ST18: variants seen among roughly 807,000 people sequenced by gnomAD.
The protein encoded by ST18 is suppression of tumorigenicity 18 protein.
Under a neutral mutation model 110.0 loss-of-function variants are expected in ST18, and 50 were observed. That is an observed-to-expected ratio of 0.45 (90% CI 0.36 to 0.58). The LOEUF (loss-of-function observed/expected upper bound fraction) is 0.58. Ranked by LOEUF, ST18 falls within the 20% of genes least tolerant of loss-of-function variation. ST18 has a pLI of 0.00. For synonymous variants in ST18, 461 were observed against 452.4 expected, an observed-to-expected ratio of 1.02 and a Z score of -0.24; for missense variants, 1,306 against 1,280.1, an observed-to-expected ratio of 1.02 and a Z score of -0.31.
intron 22 of ST18, among the ~76,000 whole-genome samples, chr8:52,128,161 G>A (rs534840440): frequency 1.3e-5 from 2 of 152,244 alleles, no homozygotes; most frequent in South Asian, 2.1e-4. Flanking sequence ...TAGAGACGGG[G>A]TTTCACCATA....
chr8:52,126,287 A>T (rs1586401038), intron 22 of ST18, 147 bp from the exon 23 acceptor site: 2 of 732,940 alleles, frequency 2.7e-6, no homozygotes, highest in East Asian at 5.6e-5. Context: ...AGTAATGAAT[A>T]CATACCCATT....
At chr8:52,409,522 C>T (rs1845689246) in intron 1 of ST18, 26 bp downstream of exon 1, 1 of 113,300 alleles carries the variant, frequency 8.8e-6, no homozygotes, top group Non-Finnish European at 2.0e-5. Context: ...CAAAGCTACA[C>T]AAATGCCAAG....
At chr8:52,268,389 C>T (rs531974834) in intron 2 of ST18, among the ~76,000 whole-genome samples, 2 of 152,308 alleles carry the variant, frequency 1.3e-5, no homozygotes, top group East Asian at 3.9e-4. Flanking sequence ...GCAGGCCTGG[C>T]TCATTCTACA....
In ST18 at chr8:52,409,694, C is replaced by T. The variant is rs1255625081; in HGVS notation, c.-736G>A. ...TTTCTCTCCTTACCTCTAGTATTCC[C>T]CTGAGGTCACATTCAGTTAAAAACA... On this transcript the variant is annotated 5_prime_UTR_variant, in exon 1 of 26. Transcript: ENST00000689386. 2 of 152,216 alleles carry T rather than the reference C, an allele frequency of 1.3e-5. No homozygotes were observed. The highest frequency in any genetic ancestry group is 1.9e-4 in the East Asian group (1 of 5,184). The allele number at this position is 152,216 out of a possible 1,614,324, so 9.4% of individuals were successfully genotyped here.
At chr8:52,356,504 A>G (rs1822817435) in intron 2 of ST18, among the ~76,000 whole-genome samples, 1 of 152,172 alleles carries the variant, frequency 6.6e-6, no homozygotes, top group South Asian at 2.1e-4. Flanking sequence ...TGAAGGGGAG[A>G]GTCTGATTTA....
chr8:52,211,948 G>T, intron 8 of ST18, 131 bp downstream of exon 8: 2 of 870,450 alleles, frequency 2.3e-6, no homozygotes, highest in Non-Finnish European at 3.7e-6. Context: ...CATACACAAC[G>T]TCTGGATGGA....
At chr8:52,146,620 C>T (rs1048872558) in intron 16 of ST18, among the ~76,000 whole-genome samples, 4 of 152,172 alleles carry the variant, frequency 2.6e-5, no homozygotes, top group South Asian at 2.1e-4. Flanking sequence ...TGAGACATTG[C>T]GTATAAAGGT....
Position 52,171,832 on chromosome 8 carries a change from T to C in ST18, c.1029A>G (p.Lys343=), listed in dbSNP as rs2065071864. The C allele has an allele frequency of 3.1e-6, 5 of 1,614,086 alleles. No homozygotes were observed. Among genetic ancestry groups the C allele is most frequent in the Non-Finnish European group, 4.2e-6 (5 of 1,179,938 alleles). The change falls in exon 10 of 26, where the codon AAA becomes AAG. Residue 343 remains lysine, a synonymous_variant. Coordinates refer to ENST00000689386, the MANE Select transcript of ST18 (RefSeq NM_001352837.2). ...EHLAGERRQT[K]VIDMGGRQIF... ...TTTGTCTTCCACCCATGTCGATAAC[T>C]TTGGTTTGCCTCCTTTCCCCTGCTA...
At chr8:52,272,864 A>G (rs1040777642) in intron 2 of ST18, among the ~76,000 whole-genome samples, 1 of 152,206 alleles carries the variant, frequency 6.6e-6, no homozygotes, top group African/African-American at 2.4e-5. Flanking sequence ...AAAATAGTCA[A>G]ATTTGTAGAA....
chr8:52,329,363 C>T (rs781115426), intron 2 of ST18, among the ~76,000 whole-genome samples: 8 of 151,780 alleles, frequency 5.3e-5, no homozygotes, highest in Non-Finnish European at 1.0e-4. Flanking sequence ...GTGCAGGCTT[C>T]ATGGAGACAG....
intron 2 of ST18, among the ~76,000 whole-genome samples, chr8:52,339,464 C>G (rs566433351): frequency 6.6e-6 from 1 of 152,354 alleles, no homozygotes; most frequent in South Asian, 2.1e-4. Context: ...GTCCTGCTCA[C>G]AGTTCCAGAT....
At position 52,120,289 on chromosome 8, in the gene ST18, A is replaced by G. The variant is rs112969994; in HGVS notation, c.2756-1848T>C. On this transcript the variant is annotated intron_variant, in intron 23 of 25. Transcript: ENST00000689386. ...CTGATTTGAGCTATCGAAAACTTCT[A>G]TTGTTATAAATTTCTTTGACATATT... 3.1e-3 allele frequency among the ~76,000 whole-genome samples: 479 copies of G among 152,318 alleles called. 1 individual carries two copies. Among genetic ancestry groups the G allele is most frequent in the African/African-American group, 0.011 (457 of 41,580 alleles).
At chr8:52,212,380 A>T (rs1016475127) in intron 7 of ST18, among the ~76,000 whole-genome samples, 3 of 152,240 alleles carry the variant, frequency 2.0e-5, no homozygotes, top group Non-Finnish European at 2.9e-5. Flanking sequence ...TTCATTGAAA[A>T]TTCACAGGAG....
intron 23 of ST18, among the ~76,000 whole-genome samples, chr8:52,120,764 G>C (rs2044405325): frequency 6.6e-6 from 1 of 152,192 alleles, no homozygotes; most frequent in Admixed American, 6.5e-5. Context: ...GTAGCGGATA[G>C]ATTGGAGAAG....
At position 52,382,678 on chromosome 8, in the gene ST18, C is replaced by T. The variant is rs79868192; in HGVS notation, c.-465+26650G>A. ...GATTTTCACAGGAAAGGGGAGGAAT[C>T]CGAGGAGTACAGTCACTGTGAATCA... On this transcript the variant is annotated intron_variant, in intron 2 of 25. Coordinates refer to ENST00000689386, the MANE Select transcript of ST18 (RefSeq NM_001352837.2). Among the ~76,000 whole-genome samples, 898 of 151,662 alleles carry T rather than the reference C, an allele frequency of 5.9e-3. 5 individuals are homozygous for T. The highest frequency in any genetic ancestry group is 9.9e-3 in the Non-Finnish European group (674 of 67,964).
At chr8:52,184,019 A>T (rs1273928061) in intron 8 of ST18, among the ~76,000 whole-genome samples, 1 of 152,100 alleles carries the variant, frequency 6.6e-6, no homozygotes, top group African/African-American at 2.4e-5. Flanking sequence ...GTTTTCCCTG[A>T]GGGCACACTA....
chr8:52,259,922 T>G (rs2094633359), intron 2 of ST18, among the ~76,000 whole-genome samples: 1 of 152,240 alleles, frequency 6.6e-6, no homozygotes, highest in Non-Finnish European at 1.5e-5. Context: ...CTTTTATCCT[T>G]TGTCATTTTT....
chr8:52,346,156 T>TA (rs1244017073), intron 2 of ST18, among the ~76,000 whole-genome samples: 1 of 151,206 alleles, frequency 6.6e-6, no homozygotes, highest in Non-Finnish European at 1.5e-5. Flanking sequence ...AGGCCATATG[T>TA]AAAATTTATT....
At chr8:52,192,296 A>G (rs2074783186) in intron 8 of ST18, among the ~76,000 whole-genome samples, 1 of 152,174 alleles carries the variant, frequency 6.6e-6, no homozygotes, top group Non-Finnish European at 1.5e-5. Context: ...ACTGAACTTG[A>G]TTGGAACTGA....
Sources: allele counts gnomAD v4.1 joint callset (sites outside exome capture counted in the v4.1 genomes callset), GRCh38; gene constraint gnomAD v4.1.1; transcripts MANE v1.5; gene names NCBI Gene and HGNC (gene_info 2026-07-23, HGNC 2026-07-21).